Variants in VPS18 observed in about 807,000 individuals in gnomAD.
The protein encoded by VPS18 is vacuolar protein sorting-associated protein 18 homolog.
Under a neutral mutation model 82.0 loss-of-function variants are expected in VPS18, and 25 were observed. The observed-to-expected ratio is 0.30, with a 90% CI of 0.22 to 0.43. The LOEUF is 0.43. Among genes scored for constraint, VPS18 ranks in the 20% least tolerant of loss-of-function variants. The pLI is 1.00. For synonymous variants in VPS18, 523 were observed against 543.0 expected, an observed-to-expected ratio of 0.96 and a Z score of 0.51; for missense variants, 1,168 against 1,311.1, an observed-to-expected ratio of 0.89 and a Z score of 1.69.
At chr15:40,901,919 G>A (rs572591898) in intron 4 of VPS18, among the ~76,000 whole-genome samples, 1 of 152,206 alleles carries the variant, frequency 6.6e-6, no homozygotes, top group Admixed American at 6.5e-5. Context: ...AAGAAAAAAA[G>A]AAAAGTACTT....
chr15:40,896,206 T>G, intron 2 of VPS18, 127 bp downstream of exon 2: 8 of 1,353,690 alleles, frequency 5.9e-6, no homozygotes, highest in Non-Finnish European at 8.0e-6. Flanking sequence ...GGAAATATCC[T>G]ATCCCTTTCC....
Position 40,903,248 on chromosome 15 carries a change from G to A in VPS18, c.2829G>A (p.Glu943=), listed in dbSNP as rs4924512. The A allele has an allele frequency of 5.5e-3, 8,835 of 1,610,508 alleles. 46 individuals are homozygous for A. The highest frequency in any genetic ancestry group is 0.01 in the Admixed American group (604 of 59,662). ...ACCTGGATGAGTTGGTGGCCGCTGA[G>A]TGTGTGTACTGTGGGGAGCTGATGA... ...KADLDELVAA[E]CVYCGELMIR... Residue 943 remains glutamate (E), a synonymous_variant, in exon 5 of 5, where the codon GAG becomes GAA. Transcript: ENST00000220509.
In VPS18 at chr15:40,903,281, TATCGACCGGCCGTTC is replaced by T; in HGVS notation, c.2870_2884del (p.Arg957_Asp961del). On this transcript the variant is annotated inframe_deletion, in exon 5 of 5. Transcript: ENST00000220509. ...ACTGTGGGGAGCTGATGATCCGCTC[TATCGACCGGCCGTTC>T]ATCGACCCCCAGCGCTACGAGGAGG... 6.3e-7 allele frequency: 1 copy of T among 1,578,626 alleles called. No individual in the cohort carries two copies.
chr15:40,898,525 A>G (rs611694), intron 2 of VPS18: 37,775 of 259,540 alleles, frequency 0.15, 9,674 homozygotes, highest in African/African-American at 0.64. Context: ...AGGTTGGAAT[A>G]CAGTGGTGTA....
intron 2 of VPS18, among the ~76,000 whole-genome samples, chr15:40,898,115 T>A (rs182120975): frequency 6.6e-6 from 1 of 152,092 alleles, no homozygotes; most frequent in South Asian, 2.1e-4. Context: ...TACAGGCGCC[T>A]GCCACCGCGC....
At chr15:40,895,792 T>G in intron 1 of VPS18, 146 bp from the exon 2 acceptor site, 19 of 1,104,658 alleles carry the variant, frequency 1.7e-5, no homozygotes, top group Non-Finnish European at 2.2e-5. Flanking sequence ...GCAAACGACT[T>G]GATATCAAAC....
At chr15:40,896,437 C>G (rs1427989775) in intron 2 of VPS18, among the ~76,000 whole-genome samples, 2 of 150,650 alleles carry the variant, frequency 1.3e-5, no homozygotes, top group Non-Finnish European at 3.0e-5. Context: ...CTGGGGAGGC[C>G]GAGGCAAGAG....
At position 40,899,723 on chromosome 15, in the gene VPS18, C is replaced by T. The variant is rs752138511; in HGVS notation, c.905C>T (p.Pro302Leu). The T allele has an allele frequency of 4.3e-6, 7 of 1,613,862 alleles. No individual in the cohort carries two copies. Among genetic ancestry groups the T allele is most frequent in the Non-Finnish European group, 5.9e-6 (7 of 1,180,050 alleles). Reference protein sequence around the residue: ...VLYGALDCGRPDSLLSEERVW... With the variant: ...VLYGALDCGRLDSLLSEERVW... ...TATGGGGCATTGGACTGTGGGCGCC[C>T]TGACTCTCTGCTGAGCGAGGAGCGA... The change falls in exon 4 of 5, where the codon CCT (proline) becomes CTT (leucine). Residue 302 changes from proline to leucine, a missense_variant. Pro to Leu is a moderately conservative substitution (Grantham distance 98). Around this residue, in one of 3 missense-constraint regions of VPS18, gnomAD observed 868 missense variants for 939.8 expected, o/e 0.92. Transcript: ENST00000220509. This position sits in a 1 kb window ranked among gnomAD's most constrained non-coding sequence, Gnocchi z 4.4.
Position 40,899,757 on chromosome 15 carries a change from G to GTACCCA in VPS18, c.940_945dup (p.Tyr314_Pro315dup), listed in dbSNP as rs1424057450. Reference sequence around the variant, plus strand: ...TGCTGAGCGAGGAGCGAGTCTGGGAGTACCCAGAGGGGGTAGGGCCTGGGG... The same window carrying GTACCCA: ...TGCTGAGCGAGGAGCGAGTCTGGGAGTACCCATACCCAGAGGGGGTAGGGCCTGGGG... On this transcript the variant is annotated inframe_insertion, in exon 4 of 5. Coordinates refer to ENST00000220509, the MANE Select transcript of VPS18 (RefSeq NM_020857.3). The surrounding 1 kb of genome is among the most constrained non-coding windows in gnomAD (Gnocchi z 4.4). The GTACCCA allele has an allele frequency of 6.2e-7, 1 of 1,613,534 alleles. No homozygotes were observed. Among genetic ancestry groups the GTACCCA allele is most frequent in the South Asian group, 1.1e-5 (1 of 91,090 alleles).
intron 2 of VPS18, 54 bp downstream of exon 2, chr15:40,896,133 C>T: frequency 6.3e-7 from 1 of 1,599,566 alleles, no homozygotes; most frequent in Non-Finnish European, 8.5e-7. Flanking sequence ...TGTTTGGGGA[C>T]TGTTAACTCA....
chr15:40,895,042 A>C (rs908599276), intron 1 of VPS18, among the ~76,000 whole-genome samples, 183 bp downstream of exon 1: 1 of 152,188 alleles, frequency 6.6e-6, no homozygotes, highest in Non-Finnish European at 1.5e-5. Context: ...TTGAAAGAGC[A>C]ACGGGAGCTG....
chr15:40,898,528 G>A (rs1248250557), intron 2 of VPS18: 1 of 288,388 alleles, frequency 3.5e-6, no homozygotes, highest in Admixed American at 4.7e-5. Flanking sequence ...TTGGAATACA[G>A]TGGTGTAGTC....
chr15:40,896,056 C>G lies in VPS18; in HGVS notation c.210C>G (p.Ser70Arg), dbSNP rs759668780. Residue 70 changes from serine to arginine, a missense_variant, in exon 2 of 5, where the codon AGC becomes AGG. Transcript: ENST00000220509. ...LVVSSNQLCM[S>R]LGKDTLLRID... ...TCTCCAGCAATCAGCTGTGCATGAG[C>G]CTGGGCAAGGATACACTGCTCCGGT... The G allele has an allele frequency of 6.2e-7, 1 of 1,614,232 alleles. No homozygotes were observed. Among genetic ancestry groups the G allele is most frequent in the Non-Finnish European group, 8.5e-7 (1 of 1,180,040 alleles).
Position 40,903,043 on chromosome 15 carries a change from A to G in VPS18, c.2624A>G (p.His875Arg). The G allele has an allele frequency of 6.2e-7, 1 of 1,614,232 alleles. No individual in the cohort carries two copies. Among genetic ancestry groups the G allele is most frequent in the Non-Finnish European group, 8.5e-7 (1 of 1,180,042 alleles). Residue 875 changes from histidine to arginine, a missense_variant, in exon 5 of 5, where the codon CAT becomes CGT. This residue lies in a region of VPS18 where 296 missense variants were observed against 354.0 expected (regional missense o/e 0.84). Transcript: ENST00000220509. Reference protein sequence around the residue: ...FYLFLCGHMFHADCLLQAVRP... With the variant: ...FYLFLCGHMFRADCLLQAVRP... ...CTCTTCCTCTGTGGCCATATGTTCC[A>G]TGCTGACTGCCTGCTGCAGGCTGTG...
chr15:40,901,386 A>G (rs1028847988), intron 4 of VPS18, among the ~76,000 whole-genome samples: 7 of 152,098 alleles, frequency 4.6e-5, no homozygotes, highest in Non-Finnish European at 7.4e-5. Flanking sequence ...CAGGAGTTCG[A>G]GACCAGCCTG....
At position 40,899,343 on chromosome 15, in the gene VPS18, A is replaced by G. The variant is rs759969882; in HGVS notation, c.525A>G (p.Ser175=). The change falls in exon 4 of 5, where the codon TCA becomes TCG. Residue 175 remains serine (S), a synonymous_variant. Transcript: ENST00000220509. This position sits in a 1 kb window ranked among gnomAD's most constrained non-coding sequence, Gnocchi z 4.4. ...GCCACATCTTTGAAGCAGAGCTCTC[A>G]GCCAGCGAAGGTGGGCTTTTCGGCC... ...AQGHIFEAEL[S]ASEGGLFGPA... is the part of the protein sequence containing the mutation. 2.5e-6 allele frequency: 4 copies of G among 1,613,258 alleles called. No individual in the cohort carries two copies. In the East Asian group the frequency reaches 8.9e-5, roughly 36 times the overall value.
rs778402636 is a variant in VPS18 at position 40,902,855 on chromosome 15, C to T, written c.2436C>T (p.Tyr812=). ...KEAICSSLKA[Y]NHHIQELQRE... The stretch of plus-strand genomic sequence containing the variant: ...CGATCTGCAGCTCACTTAAGGCCTA[C>T]AACCACCACATCCAGGAGCTGCAGC... Residue 812 remains tyrosine (Y), a synonymous_variant, in exon 5 of 5, where the codon TAC becomes TAT. Coordinates refer to ENST00000220509, the MANE Select transcript of VPS18 (RefSeq NM_020857.3). This position sits in a 1 kb window ranked among gnomAD's most constrained non-coding sequence, Gnocchi z 4.2. The T allele has an allele frequency of 5.0e-6, 8 of 1,614,172 alleles. No homozygotes were observed. The highest frequency in any genetic ancestry group is 4.2e-6 in the Non-Finnish European group (5 of 1,180,062).
chr15:40,902,645 A>C lies in VPS18; in HGVS notation c.2226A>C (p.Ala742=). 6.2e-7 allele frequency: 1 copy of C among 1,614,092 alleles called. No homozygotes were observed. Among genetic ancestry groups the C allele is most frequent in the Non-Finnish European group, 8.5e-7 (1 of 1,179,924 alleles). ...QVDVDLAKQC[A]DLPEEDEELR... is the part of the protein sequence containing the mutation. Reference sequence around the variant, plus strand: ...ATGTGGACCTGGCCAAGCAGTGTGCAGACCTGCCTGAGGAGGATGAGGAAT... The same window carrying C: ...ATGTGGACCTGGCCAAGCAGTGTGCCGACCTGCCTGAGGAGGATGAGGAAT... The change falls in exon 5 of 5, where the codon GCA becomes GCC. Residue 742 remains alanine, a synonymous_variant. Coordinates refer to ENST00000220509, the MANE Select transcript of VPS18 (RefSeq NM_020857.3). The surrounding 1 kb of genome is among the most constrained non-coding windows in gnomAD (Gnocchi z 4.2).
chr15:40,896,013 G>A lies in VPS18; in HGVS notation c.167G>A (p.Arg56His), dbSNP rs79533486. 1.3e-3 allele frequency: 2,052 copies of A among 1,614,162 alleles called. 46 individuals are homozygous for A. In the East Asian group the frequency reaches 0.041, roughly 33 times the overall value. ...CGCATTGACTTCACCCCTTCCGAGC[G>A]CATTACCAGTCTTGTCGTCTCCAGC... ...KQRIDFTPSE[R>H]ITSLVVSSNQ... Residue 56 changes from arginine (R) to histidine (H), a missense_variant, in exon 2 of 5, where the codon CGC becomes CAC. Physicochemically the swap from Arg to His is conservative, Grantham distance 29. Transcript: ENST00000220509.
Sources: gnomAD v4.1 joint callset for allele counts (sites outside exome capture counted in the v4.1 genomes callset) on GRCh38, gnomAD v4.1.1 for gene constraint, gnomAD v4.1.1 regional missense constraint, Gnocchi (gnomAD v3.1) non-coding constraint, MANE v1.5 for transcripts, NCBI Gene and HGNC (gene_info 2026-07-23, HGNC 2026-07-21) for gene names.